Variants in ILDR1 observed in about 807,000 individuals in gnomAD.
The protein encoded by ILDR1 is immunoglobulin-like domain-containing receptor 1.
ILDR1 carries 56 observed loss-of-function variants against 62.4 expected under a neutral mutation model. That is an observed-to-expected ratio of 0.90 (90% CI 0.72 to 1.12). ILDR1 has a LOEUF of 1.12. Among genes scored for constraint, ILDR1 ranks in the 50% most tolerant of loss-of-function variants. The pLI, the probability that ILDR1 is intolerant of heterozygous loss-of-function variation, is 0.00. For missense variants in ILDR1, 736 were observed against 710.6 expected, an observed-to-expected ratio of 1.04 and a Z score of -0.41; for synonymous variants, 284 against 277.8, an observed-to-expected ratio of 1.02 and a Z score of -0.22.
intron 1 of ILDR1, among the ~76,000 whole-genome samples, chr3:122,015,030 G>A (rs981572575): frequency 1.3e-5 from 2 of 152,168 alleles, no homozygotes; most frequent in African/African-American, 4.8e-5. Flanking sequence ...GAAAATAAGA[G>A]ATACAGGTCC....
chr3:122,022,632 C>G (rs1378296495), upstream of ILDR1, among the ~76,000 whole-genome samples: 1 of 152,164 alleles, frequency 6.6e-6, no homozygotes, highest in African/African-American at 2.4e-5. Context: ...AGATTCGTAT[C>G]TAGGCCAGGC....
intron 7 of ILDR1, among the ~76,000 whole-genome samples, chr3:121,991,604 C>A (rs1048222103): frequency 1.3e-5 from 2 of 152,202 alleles, no homozygotes; most frequent in African/African-American, 4.8e-5. Flanking sequence ...AACTCAGTAC[C>A]GCTTAGCAAG....
chr3:122,001,987 A>G (rs1276607247), intron 3 of ILDR1, 123 bp from the exon 4 acceptor site: 5 of 1,159,796 alleles, frequency 4.3e-6, no homozygotes, highest in Non-Finnish European at 6.2e-6. Flanking sequence ...TAATAAAAAA[A>G]AAATTATCCA....
At chr3:122,024,715 G>A (rs1288197472), upstream of ILDR1, among the ~76,000 whole-genome samples, 1 of 152,192 alleles carries the variant, frequency 6.6e-6, no homozygotes, top group African/African-American at 2.4e-5. Flanking sequence ...TTTTATAGAT[G>A]TGGAAACCGA....
chr3:121,996,249 A>AT (rs1256885909), intron 5 of ILDR1, among the ~76,000 whole-genome samples: 1 of 152,016 alleles, frequency 6.6e-6, no homozygotes. Flanking sequence ...TCCTCAAATG[A>AT]TTTTTTCACT....
chr3:122,013,974 G>T (rs1252331396), intron 1 of ILDR1, among the ~76,000 whole-genome samples: 1 of 152,188 alleles, frequency 6.6e-6, no homozygotes, highest in Non-Finnish European at 1.5e-5. Context: ...CAATTTCATT[G>T]ATGAGGAAAA....
chr3:122,004,408 C>A (rs531913915), intron 3 of ILDR1, among the ~76,000 whole-genome samples: 30 of 152,320 alleles, frequency 2.0e-4, no homozygotes, highest in Admixed American at 2.0e-3. Context: ...TTACCTTAGT[C>A]CCCACAAATC....
intron 5 of ILDR1, among the ~76,000 whole-genome samples, 164 bp from the exon 6 acceptor site, chr3:121,994,477 C>T (rs1225165238): frequency 6.6e-6 from 1 of 152,188 alleles, no homozygotes; most frequent in East Asian, 1.9e-4. Flanking sequence ...AATTAACTGT[C>T]CCCCTGGCGA....
the ILDR1 span, among the ~76,000 whole-genome samples, chr3:122,055,028 T>A: frequency 2.0e-5 from 3 of 151,248 alleles, no homozygotes; most frequent in East Asian, 2.0e-4. Flanking sequence ...CCAATCCACA[T>A]CCACAATAAA....
chr3:122,033,955 C>G, the ILDR1 span, among the ~76,000 whole-genome samples: 2 of 152,140 alleles, frequency 1.3e-5, no homozygotes, highest in African/African-American at 4.8e-5. Flanking sequence ...AATGATTTAA[C>G]TATTCTTGGT....
chr3:122,055,516 T>A, the ILDR1 span: 354 of 1,613,656 alleles, frequency 2.2e-4, no homozygotes, highest in Non-Finnish European at 2.8e-4. Flanking sequence ...GAGTAATAAT[T>A]CTTATTCTTT....
chr3:122,000,399 G>A (rs2071503367), intron 5 of ILDR1, among the ~76,000 whole-genome samples: 1 of 152,142 alleles, frequency 6.6e-6, no homozygotes, highest in African/African-American at 2.4e-5. Flanking sequence ...AAACCCAAAA[G>A]GACTAGGTTC....
At chr3:122,005,208 C>G (rs755561684) in intron 3 of ILDR1, 36 bp downstream of exon 3, 18 of 1,282,914 alleles carry the variant, frequency 1.4e-5, no homozygotes, top group Admixed American at 7.0e-5. Flanking sequence ...CACCTCCCCC[C>G]ACCCCCAGTT....
At chr3:121,997,712 G>C (rs2071457547) in intron 5 of ILDR1, among the ~76,000 whole-genome samples, 1 of 152,194 alleles carries the variant, frequency 6.6e-6, no homozygotes, top group South Asian at 2.1e-4. Context: ...TCTCACTGTG[G>C]CTGTGGCCTA....
the ILDR1 span, among the ~76,000 whole-genome samples, chr3:122,041,904 C>G: frequency 1.5e-5 from 2 of 137,850 alleles, no homozygotes; most frequent in Non-Finnish European, 3.2e-5. Flanking sequence ...CCCTTTATTT[C>G]TTTTTCTTTT....
At chr3:122,007,344 T>A in intron 1 of ILDR1, 183 bp from the exon 2 acceptor site, 1 of 1,332,536 alleles carries the variant, frequency 7.5e-7, no homozygotes. Context: ...GAGAACGCAC[T>A]CAGCAGCCTC....
chr3:121,994,065 C>G (rs2071400733), intron 6 of ILDR1, 95 bp from the exon 7 acceptor site: 1 of 1,493,310 alleles, frequency 6.7e-7, no homozygotes, highest in Non-Finnish European at 9.0e-7. Context: ...TAGCATGAAT[C>G]CCTCCCATCT....
intron 5 of ILDR1, among the ~76,000 whole-genome samples, chr3:121,995,788 A>G (rs1446781566): frequency 6.6e-6 from 1 of 152,196 alleles, no homozygotes; most frequent in Non-Finnish European, 1.5e-5. Flanking sequence ...TTTACTTTAC[A>G]TAAGCTAACT....
At chr3:122,061,344 A>G in the ILDR1 span, among the ~76,000 whole-genome samples, 7 of 152,192 alleles carry the variant, frequency 4.6e-5, no homozygotes, top group Non-Finnish European at 7.4e-5. Flanking sequence ...TTTCAAGTCT[A>G]TTTAGAAATA....
Sources: gnomAD v4.1 joint callset for allele counts (sites outside exome capture counted in the v4.1 genomes callset) on GRCh38, gnomAD v4.1.1 for gene constraint, MANE v1.5 for transcripts, NCBI Gene and HGNC (gene_info 2026-07-23, HGNC 2026-07-21) for gene names.